FGGY: variants seen among roughly 807,000 people sequenced by gnomAD.
FGGY encodes FGGY carbohydrate kinase domain-containing protein.
FGGY carries 72 observed loss-of-function variants against 71.3 expected under a neutral mutation model. The ratio of observed to expected loss-of-function variants is 1.01; its 90% CI spans 0.84 to 1.23. FGGY has a LOEUF of 1.23. FGGY is among the 50% of genes most tolerant of loss of function. FGGY has a pLI of 0.00. For missense variants in FGGY, 668 were observed against 682.3 expected, an observed-to-expected ratio of 0.98 and a Z score of 0.23; for synonymous variants, 251 against 250.3, an observed-to-expected ratio of 1.00 and a Z score of -0.02.
intron 4 of FGGY, among the ~76,000 whole-genome samples, chr1:59,376,849 C>A (rs962145628): frequency 6.6e-6 from 1 of 152,194 alleles, no homozygotes; most frequent in Admixed American, 6.5e-5. Flanking sequence ...GGAAACCTTT[C>A]TTGCTAGTTC....
intron 12 of FGGY, among the ~76,000 whole-genome samples, chr1:59,666,445 T>A (rs552057734): frequency 6.6e-6 from 1 of 152,362 alleles, no homozygotes; most frequent in South Asian, 2.1e-4. Context: ...TTTTGAACTT[T>A]CAAGTAAATT....
In FGGY at chr1:59,512,415, A is replaced by G; in HGVS notation, c.775A>G (p.Ile259Val). 1.2e-6 allele frequency: 2 copies of G among 1,613,820 alleles called. No homozygotes were observed. Among genetic ancestry groups the G allele is most frequent in the Non-Finnish European group, 1.7e-6 (2 of 1,179,824 alleles). Reference protein sequence around the residue: ...LPGIAVAASLIDAHAGGLGVI... With the variant: ...LPGIAVAASLVDAHAGGLGVI... ...TGGGATTGCGGTCGCAGCTTCACTC[A>G]TTGATGCCCATGCAGGAGGACTAGG... Residue 259 changes from isoleucine to valine, a missense_variant, in exon 7 of 16, where the codon ATT becomes GTT. Transcript: ENST00000303721.
chr1:59,514,785 T>C (rs1203150674), intron 7 of FGGY, among the ~76,000 whole-genome samples: 1 of 152,172 alleles, frequency 6.6e-6, no homozygotes, highest in African/African-American at 2.4e-5. Flanking sequence ...TGCCTTTTGC[T>C]CTTCGCCATG....
At chr1:59,700,300 A>G (rs1409456062) in intron 14 of FGGY, among the ~76,000 whole-genome samples, 2 of 152,220 alleles carry the variant, frequency 1.3e-5, no homozygotes, top group South Asian at 4.1e-4. Context: ...TCTGTAAATA[A>G]TGATGGTGAC....
chr1:59,610,095 C>T (rs1164902905), intron 9 of FGGY, among the ~76,000 whole-genome samples: 4 of 152,124 alleles, frequency 2.6e-5, no homozygotes, highest in Admixed American at 2.0e-4. Context: ...CTTTCAGTTC[C>T]GGGATACAAG....
intron 5 of FGGY, among the ~76,000 whole-genome samples, chr1:59,441,302 G>A (rs956833739): frequency 6.6e-6 from 1 of 152,130 alleles, no homozygotes; most frequent in African/African-American, 2.4e-5. Flanking sequence ...TTCTAACTGT[G>A]CAGGAGGGCA....
intron 1 of FGGY, among the ~76,000 whole-genome samples, chr1:59,303,097 A>G (rs1315496122): frequency 6.6e-6 from 1 of 152,190 alleles, no homozygotes; most frequent in Non-Finnish European, 1.5e-5. Context: ...AGCTAATTAT[A>G]TCCATCACCT....
chr1:59,404,346 A>G (rs78044885), intron 5 of FGGY, among the ~76,000 whole-genome samples: 12,238 of 152,148 alleles, frequency 0.08, 591 homozygotes, highest in African/African-American at 0.12. Flanking sequence ...CGGCATGCAC[A>G]TGTATCCCGG....
intron 9 of FGGY, among the ~76,000 whole-genome samples, 187 bp downstream of exon 9, chr1:59,608,097 T>TA (rs1379138107): frequency 6.6e-6 from 1 of 152,204 alleles, no homozygotes; most frequent in African/African-American, 2.4e-5. Flanking sequence ...GAAGAAGTGT[T>TA]ACAGCAGGCA....
At chr1:59,528,600 T>TTA (rs2095056660) in intron 7 of FGGY, among the ~76,000 whole-genome samples, 2 of 152,196 alleles carry the variant, frequency 1.3e-5, no homozygotes. Flanking sequence ...AGATAAAGTG[T>TTA]TAGGCTGTCG....
chr1:59,331,897 A>G (rs1239271197), intron 2 of FGGY: 4 of 152,260 alleles, frequency 2.6e-5, no homozygotes, highest in African/African-American at 9.7e-5. Context: ...CACGCCCCCA[A>G]AGCTGACAAA....
intron 11 of FGGY, among the ~76,000 whole-genome samples, chr1:59,656,894 A>T (rs1009597752): frequency 6.6e-6 from 1 of 152,186 alleles, no homozygotes; most frequent in Non-Finnish European, 1.5e-5. Context: ...TTAGTGCTCA[A>T]TTACATTGAT....
At chr1:59,420,718 A>G (rs1401996690) in intron 5 of FGGY, among the ~76,000 whole-genome samples, 1 of 152,164 alleles carries the variant, frequency 6.6e-6, no homozygotes, top group Non-Finnish European at 1.5e-5. Flanking sequence ...TATGTTTCTA[A>G]TTCTTCTACC....
At position 59,599,746 on chromosome 1, in the gene FGGY, G is replaced by A. The variant is rs550697459; in HGVS notation, c.904-8057G>A. Among the ~76,000 whole-genome samples, 7 of 150,862 alleles carry A rather than the reference G, an allele frequency of 4.6e-5. No homozygotes were observed. The East Asian group carries it at 1.2e-3, about 25-fold the overall frequency. ...GTTAGCTAGGGGAAAGCGAGAGGGA[G>A]TGCCCTCTAATCAGTGAGACAAGAA... On this transcript the variant is annotated intron_variant, in intron 8 of 15. Coordinates refer to ENST00000303721, the MANE Select transcript of FGGY (RefSeq NM_018291.5).
At chr1:59,632,957 A>C (rs959919720) in intron 10 of FGGY, among the ~76,000 whole-genome samples, 2 of 152,106 alleles carry the variant, frequency 1.3e-5, no homozygotes, top group African/African-American at 2.4e-5. Flanking sequence ...CTCTGAGTTC[A>C]GAAAGATTTC....
chr1:59,675,333 A>G (rs1372971565), intron 14 of FGGY, among the ~76,000 whole-genome samples: 2 of 152,164 alleles, frequency 1.3e-5, no homozygotes, highest in African/African-American at 4.8e-5. Flanking sequence ...TAATCTTCCT[A>G]ATACCTATAA....
At chr1:59,503,613 A>ATATATATATATATATC (rs1265300529) in intron 6 of FGGY, among the ~76,000 whole-genome samples, 1 of 147,002 alleles carries the variant, frequency 6.8e-6, no homozygotes, top group Admixed American at 6.8e-5. Flanking sequence ...ATATATATAT[A>ATATATATATATATATC]TATATAAAAT....
intron 4 of FGGY, among the ~76,000 whole-genome samples, chr1:59,361,683 C>T (rs2055554649): frequency 6.6e-6 from 1 of 152,138 alleles, no homozygotes; most frequent in East Asian, 1.9e-4. Flanking sequence ...ACCCTAGCCA[C>T]AATCAGAGAA....
In FGGY at chr1:59,708,918, A is replaced by G. The variant is rs200810681; in HGVS notation, c.1512+34785A>G. Among the ~76,000 whole-genome samples the G allele has an allele frequency of 1.2e-4, 18 of 152,240 alleles. No individual in the cohort carries two copies. In the East Asian group the frequency reaches 2.9e-3, roughly 24 times the overall value. ...GATGCTCAACCAGTAATTATTTAAT[A>G]CAAACATTCAAAAATCCAAAATTAA... On this transcript the variant is annotated intron_variant, in intron 14 of 15. Coordinates refer to ENST00000303721, the MANE Select transcript of FGGY (RefSeq NM_018291.5).
Sources: allele counts gnomAD v4.1 joint callset (sites outside exome capture counted in the v4.1 genomes callset), GRCh38; gene constraint gnomAD v4.1.1; transcripts MANE v1.5; gene names NCBI Gene and HGNC (gene_info 2026-07-23, HGNC 2026-07-21).